Variants in SYT14 observed in about 807,000 individuals in gnomAD.
SYT14 encodes synaptotagmin 14, also known as synaptotagmin-14.
SYT14 carries 32 observed loss-of-function variants against 74.2 expected under a neutral mutation model. The observed-to-expected ratio is 0.43, with a 90% CI of 0.33 to 0.58. The LOEUF is 0.58. Among genes scored for constraint, SYT14 ranks in the 20% least tolerant of loss-of-function variants. The pLI is 0.05. For synonymous variants in SYT14, 298 were observed against 337.7 expected (o/e 0.88, Z 1.29); for missense variants, 791 against 981.8 (o/e 0.81, Z 2.60).
chr1:209,952,765 T>C lies in SYT14; in HGVS notation c.-486+9T>C, dbSNP rs2078932309. The C allele has an allele frequency of 8.1e-6, 13 of 1,605,214 alleles. No homozygotes were observed. The highest frequency in any genetic ancestry group is 1.0e-5 in the Non-Finnish European group (12 of 1,175,184). Reference sequence around the variant, plus strand: ...TATCTGTATTAGAAAAGGTAAGTCATTGCTCTGCATGGCTATTTACATACT... The same window carrying C: ...TATCTGTATTAGAAAAGGTAAGTCACTGCTCTGCATGGCTATTTACATACT... On this transcript the variant is annotated intron_variant, in intron 2 of 9. Coordinates refer to ENST00000637265, the Ensembl canonical transcript of SYT14.
chr1:209,953,361 C>T, intron 2 of SYT14: 4 of 704,862 alleles, frequency 5.7e-6, no homozygotes, highest in Non-Finnish European at 8.2e-6. Context: ...TAAGTAATCA[C>T]AAATCTATGA....
chr1:210,110,173 G>A (rs1353744201), intron 7 of SYT14, among the ~76,000 whole-genome samples: 1 of 152,118 alleles, frequency 6.6e-6, no homozygotes, highest in Admixed American at 6.6e-5. Flanking sequence ...TGTAGATGAT[G>A]GGTTGATGGT....
At chr1:210,078,137 C>G (rs573834248) in intron 5 of SYT14, among the ~76,000 whole-genome samples, 2 of 151,602 alleles carry the variant, frequency 1.3e-5, no homozygotes, top group African/African-American at 4.8e-5. Flanking sequence ...GGTGAAACCC[C>G]GTCTCTACTA....
At chr1:210,005,888 A>G (rs926594733) in intron 2 of SYT14, among the ~76,000 whole-genome samples, 3 of 151,680 alleles carry the variant, frequency 2.0e-5, no homozygotes, top group Non-Finnish European at 3.0e-5. Context: ...TTTTTTTTCT[A>G]ATTTCTTCAA....
chr1:210,081,008 A>C (rs2081605720), intron 5 of SYT14, among the ~76,000 whole-genome samples: 1 of 152,196 alleles, frequency 6.6e-6, no homozygotes, highest in African/African-American at 2.4e-5. Context: ...AGTGAAGGAT[A>C]TCACAGGCCA....
At chr1:209,997,308 G>A (rs986147221) in intron 2 of SYT14, among the ~76,000 whole-genome samples, 1 of 152,072 alleles carries the variant, frequency 6.6e-6, no homozygotes, top group Non-Finnish European at 1.5e-5. Flanking sequence ...AAAATCAGTA[G>A]CATTTCTATA....
At position 210,021,260 on chromosome 1, in the gene SYT14, A is replaced by G. The variant is rs892790819; in HGVS notation, c.1312+6A>G. The stretch of plus-strand genomic sequence containing the variant: ...TGAAGCATCAATAGATGAAGGTAAG[A>G]TGGGCTGTTTTATTTTTTTTACATG... On this transcript the variant is annotated splice_donor_region_variant and intron_variant, in intron 5 of 9. Transcript: ENST00000637265. 3.3e-5 allele frequency: 53 copies of G among 1,612,182 alleles called. No individual in the cohort carries two copies. The highest frequency in any genetic ancestry group is 4.4e-5 in the Non-Finnish European group (52 of 1,178,462).
chr1:210,044,783 A>G (rs1205946088), intron 5 of SYT14, among the ~76,000 whole-genome samples: 1 of 152,218 alleles, frequency 6.6e-6, no homozygotes, highest in Non-Finnish European at 1.5e-5. Flanking sequence ...AGGCTGTGCA[A>G]GCATGGCACC....
At chr1:209,975,623 T>C (rs2079347064) in intron 2 of SYT14, among the ~76,000 whole-genome samples, 2 of 152,222 alleles carry the variant, frequency 1.3e-5, no homozygotes, top group Admixed American at 6.5e-5. Context: ...TTATTGAGGA[T>C]TTTTGTATCA....
chr1:210,041,428 G>A (rs1361539503), intron 5 of SYT14, among the ~76,000 whole-genome samples: 1 of 152,170 alleles, frequency 6.6e-6, no homozygotes, highest in Non-Finnish European at 1.5e-5. Context: ...ATTTTAATTT[G>A]ATTATTAGTT....
chr1:210,105,141 A>G (rs1429191801), intron 7 of SYT14, among the ~76,000 whole-genome samples: 1 of 152,202 alleles, frequency 6.6e-6, no homozygotes, highest in East Asian at 1.9e-4. Flanking sequence ...TAAAAAAAAC[A>G]CTGAGGGTAG....
chr1:209,978,926 C>T lies in SYT14; in HGVS notation c.-486+26170C>T, dbSNP rs186081743. Among the ~76,000 whole-genome samples the T allele has an allele frequency of 2.5e-3, 388 of 152,292 alleles. 1 individual carries two copies. Among genetic ancestry groups the T allele is most frequent in the African/African-American group, 5.6e-3 (232 of 41,586 alleles). On this transcript the variant is annotated intron_variant, in intron 2 of 9. Transcript: ENST00000637265. ...GTGGCGGGCGCCCCTCCCCCAGCCT[C>T]GCTGCCGCCTTACAGTTTGATCTCA...
intron 5 of SYT14, among the ~76,000 whole-genome samples, chr1:210,052,677 A>AAAAAAAAAAAAAAAAAAAAAAAAC (rs2081023030): frequency 6.7e-6 from 1 of 149,706 alleles, no homozygotes; most frequent in Non-Finnish European, 1.5e-5. Context: ...AAAAAAAAAA[A>AAAAAAAAAAAAAAAAAAAAAAAAC]AAAAAAAGCT....
In SYT14 at chr1:209,952,974, A is replaced by G. The variant is rs190170030; in HGVS notation, c.-486+218A>G. ...TTATATTTAGTTTTGATGGGCTAATAAAGCCTGGTTTCTAGCATATTGGTT... is the reference window on the plus strand; with the variant it reads ...TTATATTTAGTTTTGATGGGCTAATGAAGCCTGGTTTCTAGCATATTGGTT... On this transcript the variant is annotated intron_variant, in intron 2 of 9. Transcript: ENST00000637265. 4 of 1,361,960 alleles carry G rather than the reference A, an allele frequency of 2.9e-6. No homozygotes were observed. The Admixed American group carries it at 8.2e-5, about 28-fold the overall frequency. 84.4% of individuals were successfully genotyped at this position (1,361,960 alleles called of 1,614,324 possible). A position where few individuals can be genotyped will look rare whatever the true frequency, so the allele number is the denominator to read the frequency against.
chr1:209,962,582 A>G (rs2079093549), intron 2 of SYT14, among the ~76,000 whole-genome samples: 1 of 152,088 alleles, frequency 6.6e-6, no homozygotes, highest in Admixed American at 6.6e-5. Context: ...TGAGAGGTTT[A>G]TGTGCACCCA....
chr1:210,017,220 G>A, intron 4 of SYT14: 1 of 642,830 alleles, frequency 1.6e-6, no homozygotes, highest in Non-Finnish European at 2.2e-6. Flanking sequence ...AGACTTTCTT[G>A]AATCCTTTTA....
intron 7 of SYT14, among the ~76,000 whole-genome samples, chr1:210,142,010 C>T (rs2082925283): frequency 6.6e-6 from 1 of 152,230 alleles, no homozygotes; most frequent in Admixed American, 6.5e-5. Flanking sequence ...ATGTTAAACA[C>T]TTGCCACTGA....
intron 7 of SYT14, among the ~76,000 whole-genome samples, chr1:210,124,244 GAAAA>G (rs67430639): frequency 5.7e-5 from 8 of 140,258 alleles, no homozygotes; most frequent in Non-Finnish European, 1.2e-4. Context: ...AGACAGAAAT[GAAAA>G]AAAAAAATAA....
rs1429630446 is a variant in SYT14, at chr1:210,016,953, C to G, written c.950C>G (p.Ser317Cys). ...TCAACTAATTCTAAAGATAAGTTAT[C>G]TGGGAAAATTGAAGAACAAATAAAT... is the stretch of plus-strand genomic sequence containing the variant. Residue 317 changes from serine to cysteine, a missense_variant, in exon 4 of 10, where the codon TCT becomes TGT. By Grantham distance (112) the Ser-to-Cys change is moderately radical (BLOSUM62 -1). Coordinates refer to ENST00000637265, the Ensembl canonical transcript of SYT14. 3 of 1,231,682 alleles carry G rather than the reference C, an allele frequency of 2.4e-6. No individual in the cohort carries two copies. In the East Asian group the frequency reaches 9.5e-5, roughly 39 times the overall value. The allele number at this position is 1,231,682 out of a possible 1,614,324, so 76.3% of individuals were successfully genotyped here.
Sources: allele counts gnomAD v4.1 joint callset (sites outside exome capture counted in the v4.1 genomes callset), GRCh38; gene constraint gnomAD v4.1.1; transcripts MANE v1.5; gene names NCBI Gene and HGNC (gene_info 2026-07-23, HGNC 2026-07-21).